ZNF528: variants seen among roughly 807,000 people sequenced by gnomAD.
ZNF528 encodes zinc finger protein 528.
A neutral mutation model predicts 13.3 loss-of-function variants in ZNF528; 9 were observed. The observed-to-expected ratio is 0.67, with a 90% CI of 0.41 to 1.18. The LOEUF (loss-of-function observed/expected upper bound fraction) is 1.18, where lower values mean the gene tolerates loss of function less well. ZNF528 is among the 50% of genes most tolerant of loss of function. The pLI, the probability that ZNF528 is intolerant of heterozygous loss-of-function variation, is 0.01. For missense variants in ZNF528, 858 were observed against 745.4 expected (o/e 1.15, Z -1.76); for synonymous variants, 264 against 254.3 (o/e 1.04, Z -0.36).
rs369894858 is a variant in ZNF528, at chr19:52,416,527, C to A, written c.1675C>A (p.Arg559=). The change falls in exon 7 of 7, where the codon CGA becomes AGA. Residue 559 remains arginine, a synonymous_variant. Coordinates refer to ENST00000360465, the MANE Select transcript of ZNF528 (RefSeq NM_032423.3). ...YRCSKCGKAF[R]GCSGLTAHLA... ...ATGTAGTAAATGTGGCAAAGCATTT[C>A]GAGGGTGTTCAGGCCTTACTGCCCA... The A allele has an allele frequency of 6.2e-7, 1 of 1,613,816 alleles. No homozygotes were observed.
Position 52,405,935 on chromosome 19 carries a change from T to C in ZNF528, c.44T>C (p.Ile15Thr). 1.2e-6 allele frequency: 2 copies of C among 1,611,400 alleles called. No individual in the cohort carries two copies. Among genetic ancestry groups the C allele is most frequent in the Non-Finnish European group, 1.7e-6 (2 of 1,178,150 alleles). The change falls in exon 5 of 7, where the codon ATA (isoleucine) becomes ACA (threonine). Residue 15 changes from isoleucine (I) to threonine (T), a missense_variant. Coordinates refer to ENST00000360465, the MANE Select transcript of ZNF528 (RefSeq NM_032423.3). ...CCCTTGAAATTCATGGATGTGGCCA[T>C]AGAGTTCTCTCAGGAAGAGTGGAAA... is the stretch of plus-strand genomic sequence containing the variant. The part of the protein sequence containing the change: ...QGPLKFMDVA[I>T]EFSQEEWKCL...
At chr19:52,410,436 A>T (rs1376131608) in intron 6 of ZNF528, among the ~76,000 whole-genome samples, 1 of 152,170 alleles carries the variant, frequency 6.6e-6, no homozygotes. Context: ...CCCAGTAGAT[A>T]ATCTCAGTGA....
At chr19:52,405,302 G>A (rs959114313) in intron 4 of ZNF528, among the ~76,000 whole-genome samples, 1 of 151,698 alleles carries the variant, frequency 6.6e-6, no homozygotes, top group African/African-American at 2.4e-5. Context: ...AGGCCAAGGT[G>A]GGAGGATAGC....
Position 52,416,560 on chromosome 19 carries a change from A to C in ZNF528, c.1708A>C (p.Ile570Leu). The C allele has an allele frequency of 6.2e-7, 1 of 1,614,190 alleles. No homozygotes were observed. Among genetic ancestry groups the C allele is most frequent in the Non-Finnish European group, 8.5e-7 (1 of 1,180,028 alleles). Residue 570 changes from isoleucine to leucine, a missense_variant, in exon 7 of 7, where the codon ATC becomes CTC. Transcript: ENST00000360465. Reference protein sequence around the residue: ...GCSGLTAHLAIHTEKKSHECK... With the variant: ...GCSGLTAHLALHTEKKSHECK... ...TTCAGGCCTTACTGCCCATCTTGCA[A>C]TCCATACTGAAAAGAAATCTCATGA...
chr19:52,404,296 TG>T lies in ZNF528; in HGVS notation c.16-1609del, dbSNP rs200279681. On this transcript the variant is annotated intron_variant, in intron 4 of 6. Coordinates refer to ENST00000360465, the MANE Select transcript of ZNF528 (RefSeq NM_032423.3). Reference sequence around the variant, plus strand: ...ATTCTGGAGTGCAGTGGCGAGATCTTGGCTCGCTGCAACCTCCGCCTCCCGG... The same window carrying T: ...ATTCTGGAGTGCAGTGGCGAGATCTTGCTCGCTGCAACCTCCGCCTCCCGG... Among the ~76,000 whole-genome samples the T allele has an allele frequency of 5.1e-4, 77 of 151,628 alleles. No individual in the cohort carries two copies. The East Asian group carries it at 0.014, about 28-fold the overall frequency.
intron 6 of ZNF528, chr19:52,414,478 G>C (rs1302876556): frequency 1.7e-6 from 1 of 585,898 alleles, no homozygotes; most frequent in Non-Finnish European, 3.0e-6. Flanking sequence ...AGGGGGAGGG[G>C]GTGGTTATTG....
chr19:52,416,716 C>T lies in ZNF528; in HGVS notation c.1864C>T (p.Gln622Ter). 6.2e-7 allele frequency: 1 copy of T among 1,604,910 alleles called. No individual in the cohort carries two copies. The highest frequency in any genetic ancestry group is 1.7e-5 in the Admixed American group (1 of 59,354). ...CTTCAGTCACAATTCTGACCTTGCA[C>T]AGCATCAGAGAGTTCATTCATGAGA... ...KVFSHNSDLAQHQRVHS is the reference protein window; with the variant it reads ...KVFSHNSDLA The change falls in exon 7 of 7, where the codon CAG becomes TAG. Residue 622 changes from glutamine (Q) to a stop codon, truncating the protein, a stop_gained. Transcript: ENST00000360465. LOFTEE classifies it low-confidence loss of function (END_TRUNC).
At chr19:52,407,723 C>T (rs1242692926) in intron 6 of ZNF528, among the ~76,000 whole-genome samples, 1 of 152,012 alleles carries the variant, frequency 6.6e-6, no homozygotes, top group African/African-American at 2.4e-5. Flanking sequence ...TTGCAGTGAG[C>T]CGAGATTGCA....
chr19:52,405,352 G>A (rs945682252), intron 4 of ZNF528, among the ~76,000 whole-genome samples: 15 of 152,046 alleles, frequency 9.9e-5, no homozygotes, highest in African/African-American at 3.6e-4. Flanking sequence ...GCAACATGGT[G>A]AGACACCATA....
rs999324343 is a variant in ZNF528, at chr19:52,401,661, G to C, written c.-136-24G>C. On this transcript the variant is annotated intron_variant, in intron 2 of 6. Coordinates refer to ENST00000360465, the MANE Select transcript of ZNF528 (RefSeq NM_032423.3). ...ACAGTTTATTACCACATGAAGAATT[G>C]CTTTTTTTTTTTTTTTTTTTTAGGT... The C allele has an allele frequency of 1.3e-5, 7 of 547,912 alleles. No individual in the cohort carries two copies. The African/African-American group carries it at 1.4e-4, about 11-fold the overall frequency. The allele number at this position is 547,912 out of a possible 1,614,324, so 33.9% of individuals were successfully genotyped here. A position where few individuals can be genotyped will look rare whatever the true frequency, so the allele number is the denominator to read the frequency against.
rs1490054279 is a variant in ZNF528 at position 52,406,613 on chromosome 19, G to A, written c.241G>A (p.Gly81Ser). 3.7e-6 allele frequency: 6 copies of A among 1,613,824 alleles called. No homozygotes were observed. Among genetic ancestry groups the A allele is most frequent in the African/African-American group, 2.7e-5 (2 of 74,900 alleles). ...AGAGAAAATAGCAAACGATCCAGAC[G>A]GCAGGGAGTGCATCAAAGGTGTGAA... ...SEEKIANDPD[G>S]RECIKGVNTE... Residue 81 changes from glycine (G) to serine (S), a missense_variant, in exon 6 of 7, where the codon GGC (glycine) becomes AGC (serine). Physicochemically the swap from Gly to Ser is moderately conservative, Grantham distance 56. Coordinates refer to ENST00000360465, the MANE Select transcript of ZNF528 (RefSeq NM_032423.3).
chr19:52,413,999 C>T, intron 6 of ZNF528: 1 of 523,202 alleles, frequency 1.9e-6, no homozygotes, highest in South Asian at 2.3e-5. Context: ...TCCAGGCTGT[C>T]TCAATAGAAC....
rs1456457150 is a variant in ZNF528, at chr19:52,416,007, A to G, written c.1155A>G (p.Glu385=). Residue 385 remains glutamate, a synonymous_variant, in exon 7 of 7, where the codon GAA becomes GAG. Coordinates refer to ENST00000360465, the MANE Select transcript of ZNF528 (RefSeq NM_032423.3). ...HTGRKPYKCK[E]CDKVFGRKCF... The stretch of plus-strand genomic sequence containing the variant: ...GAAGGAAACCTTACAAATGTAAAGA[A>G]TGTGACAAGGTCTTTGGGCGCAAGT... The G allele has an allele frequency of 6.2e-7, 1 of 1,614,192 alleles. No individual in the cohort carries two copies. The highest frequency in any genetic ancestry group is 1.1e-5 in the South Asian group (1 of 91,082).
In ZNF528 at chr19:52,415,583, A is replaced by G. The variant is rs753095795; in HGVS notation, c.731A>G (p.His244Arg). 2.5e-6 allele frequency: 4 copies of G among 1,614,074 alleles called. No individual in the cohort carries two copies. The highest frequency in any genetic ancestry group is 2.2e-5 in the East Asian group (1 of 44,880). ...MHTGEKPYKC[H>R]ECGKLFSSNS... is the part of the protein sequence containing the mutation. ...ACTGGAGAGAAGCCTTACAAATGTCATGAATGTGGCAAGCTCTTCAGTAGC... is the reference window on the plus strand; with the variant it reads ...ACTGGAGAGAAGCCTTACAAATGTCGTGAATGTGGCAAGCTCTTCAGTAGC... The change falls in exon 7 of 7, where the codon CAT (histidine) becomes CGT (arginine). Residue 244 changes from histidine (H) to arginine (R), a missense_variant. Physicochemically the swap from His to Arg is conservative, Grantham distance 29. Coordinates refer to ENST00000360465, the MANE Select transcript of ZNF528 (RefSeq NM_032423.3).
rs761729829 is a variant in ZNF528 at position 52,415,297 on chromosome 19, GA to G, written c.451del (p.Ile151PhefsTer10). On this transcript the variant is annotated frameshift_variant, in exon 7 of 7. Transcript: ENST00000360465. LOFTEE classifies it low-confidence loss of function (END_TRUNC). ...VSDNSSVSPL[E>X]KISSSVKSHL... Reference sequence around the variant, plus strand: ...TGACAATTCCTCAGTTTCACCGCTTGAAAAAATTTCTTCCAGTGTCAAATCC... The same window carrying G: ...TGACAATTCCTCAGTTTCACCGCTTGAAAAATTTCTTCCAGTGTCAAATCC... 3.7e-5 allele frequency: 60 copies of G among 1,612,426 alleles called. 1 individual carries two copies. The South Asian group carries it at 6.5e-4, about 18-fold the overall frequency.
At chr19:52,400,060 T>C (rs886540794) in intron 2 of ZNF528, among the ~76,000 whole-genome samples, 1 of 152,108 alleles carries the variant, frequency 6.6e-6, no homozygotes, top group African/African-American at 2.4e-5. Flanking sequence ...GACTGGGAAT[T>C]GTCTGTCCCT....
At chr19:52,406,202 C>G (rs889171283) in intron 5 of ZNF528, among the ~76,000 whole-genome samples, 169 bp downstream of exon 5, 6 of 152,146 alleles carry the variant, frequency 3.9e-5, no homozygotes, top group African/African-American at 1.4e-4. Flanking sequence ...CCCCTTTCTT[C>G]AGTTATTCTC....
At position 52,406,150 on chromosome 19, in the gene ZNF528, C is replaced by G. The variant is rs1489192440; in HGVS notation, c.142+117C>G. 1.9e-5 allele frequency: 25 copies of G among 1,308,194 alleles called. No homozygotes were observed. In the Admixed American group the frequency reaches 5.8e-4, roughly 31 times the overall value. 81.0% of individuals were successfully genotyped at this position (1,308,194 alleles called of 1,614,324 possible). On this transcript the variant is annotated intron_variant, in intron 5 of 6. Coordinates refer to ENST00000360465, the MANE Select transcript of ZNF528 (RefSeq NM_032423.3). ...GCCTGAGATTGAAACCATGTTGACTCAGAATTGAAAAACTGTATTACACTT... is the reference window on the plus strand; with the variant it reads ...GCCTGAGATTGAAACCATGTTGACTGAGAATTGAAAAACTGTATTACACTT...
rs2058859559 is a variant in ZNF528, at chr19:52,406,615, C to T, written c.243C>T (p.Gly81=). 1.2e-6 allele frequency: 2 copies of T among 1,613,736 alleles called. No homozygotes were observed. The highest frequency in any genetic ancestry group is 1.1e-5 in the South Asian group (1 of 90,996). The change falls in exon 6 of 7, where the codon GGC becomes GGT. Residue 81 remains glycine, a synonymous_variant. Transcript: ENST00000360465. The stretch of plus-strand genomic sequence containing the variant: ...AGAAAATAGCAAACGATCCAGACGG[C>T]AGGGAGTGCATCAAAGGTGTGAACA... ...SEEKIANDPD[G]RECIKGVNTE... is the part of the protein sequence containing the mutation.
Sources: gnomAD v4.1 joint callset for allele counts (sites outside exome capture counted in the v4.1 genomes callset) on GRCh38, gnomAD v4.1.1 for gene constraint, MANE v1.5 for transcripts, NCBI Gene and HGNC (gene_info 2026-07-23, HGNC 2026-07-21) for gene names.